The following CFLAR variants were observed in gnomAD, a reference collection of about 807,000 sequenced individuals.
CFLAR encodes CASP8 and FADD-like apoptosis regulator.
In CFLAR, 14 loss-of-function variants were observed where a neutral mutation model predicts 51.1. That is an observed-to-expected ratio of 0.27 (90% confidence interval 0.18 to 0.43). The LOEUF is 0.43. Ranked by LOEUF, CFLAR falls within the 20% of genes least tolerant of loss-of-function variation. The probability of loss-of-function intolerance (pLI) is 1.00; values close to 1 mark genes in which losing one functional copy is unlikely to be tolerated. For missense variants in CFLAR, 390 were observed against 566.5 expected (o/e 0.69, Z 3.16); for synonymous variants, 210 against 211.6 (o/e 0.99, Z 0.06).
At position 201,176,275 on chromosome 2, in the gene CFLAR, T is replaced by C. The variant is rs1236300870; in HGVS notation, c.*12302T>C. 2.9e-4 allele frequency: 4 copies of C among 13,764 alleles called. No individual in the cohort carries two copies. Among genetic ancestry groups the C allele is most frequent in the African/African-American group, 1.1e-3 (4 of 3,480 alleles). The allele number at this position is 13,764 out of a possible 1,614,324, so 0.9% of individuals were successfully genotyped here. ...GATGATCAGTCTCAGGTGTTTTCTA[T>C]TGCGGGGGGGGGGGGCGGGCGGGGG... On this transcript the variant is annotated 3_prime_UTR_variant, in exon 10 of 10. Transcript: ENST00000309955.
chr2:201,163,591 G>T, intron 9 of CFLAR: 13 of 1,294,994 alleles, frequency 1.0e-5, no homozygotes, highest in Non-Finnish European at 1.3e-5. Context: ...GATGATCCAC[G>T]TGGGTTATCA....
In CFLAR at chr2:201,168,442, C is replaced by A. The variant is rs1047775135; in HGVS notation, c.*4469C>A. 1 of 152,068 alleles carries A rather than the reference C, an allele frequency of 6.6e-6. No homozygotes were observed. Among genetic ancestry groups the A allele is most frequent in the African/African-American group, 2.4e-5 (1 of 41,396 alleles). The allele number at this position is 152,068 out of a possible 1,614,324, so 9.4% of individuals were successfully genotyped here. A position where few individuals can be genotyped will look rare whatever the true frequency, so the allele number is the denominator to read the frequency against. On this transcript the variant is annotated 3_prime_UTR_variant, in exon 10 of 10. Transcript: ENST00000309955. ...ATTCAACGTTGCTTCATGTTAAAAA[C>A]TCTCAATAAACTAGGTATTGATGGA...
chr2:201,140,687 C>T lies in CFLAR; in HGVS notation c.606+248C>T, dbSNP rs1026069219. The T allele has an allele frequency of 7.7e-5, 28 of 362,618 alleles. 1 individual carries two copies. The South Asian group carries it at 1.2e-3, about 16-fold the overall frequency. 22.5% of individuals were successfully genotyped at this position (362,618 alleles called of 1,614,324 possible). On this transcript the variant is annotated intron_variant, in intron 5 of 9. Transcript: ENST00000309955. ...CTATATTCCACTATCCAAAGACAAC[C>T]ACTGTTAGTATTTTGGTATATTTCC...
At chr2:201,125,880 GGCAGGGGT>G (rs2048640548) in intron 1 of CFLAR, among the ~76,000 whole-genome samples, 1 of 152,070 alleles carries the variant, frequency 6.6e-6, no homozygotes, top group Non-Finnish European at 1.5e-5. Flanking sequence ...TCCTCATTAA[GGCAGGGGT>G]GCTGGAGCGA....
chr2:201,133,198 G>T lies in CFLAR; in HGVS notation c.387+64G>T, dbSNP rs12721502. The T allele has an allele frequency of 5.6e-5, 68 of 1,207,850 alleles. 1 individual carries two copies. In the South Asian group the frequency reaches 8.5e-4, roughly 15 times the overall value. The allele number at this position is 1,207,850 out of a possible 1,614,324, so 74.8% of individuals were successfully genotyped here. On this transcript the variant is annotated intron_variant, in intron 3 of 9. Transcript: ENST00000309955. ...ATCAGAAGTGGGAGCTACTCTTGTTGATACAGAGAGAGGGAAGCAGGCAGT... is the reference window on the plus strand; with the variant it reads ...ATCAGAAGTGGGAGCTACTCTTGTTTATACAGAGAGAGGGAAGCAGGCAGT...
At chr2:201,148,003 G>A (rs937599407) in intron 6 of CFLAR, 1 of 152,272 alleles carries the variant, frequency 6.6e-6, no homozygotes, top group African/African-American at 2.4e-5. Flanking sequence ...CTTGCTAAAT[G>A]CCTTAAACTG....
chr2:201,139,881 C>G (rs1177676572), intron 4 of CFLAR: 1 of 156,342 alleles, frequency 6.4e-6, no homozygotes, highest in Non-Finnish European at 1.4e-5. Context: ...TTTCTCTATA[C>G]TTTGCGTCTG....
At position 201,171,238 on chromosome 2, in the gene CFLAR, A is replaced by G. The variant is rs1943989292; in HGVS notation, c.*7265A>G. The G allele has an allele frequency of 6.6e-6, 1 of 152,188 alleles. No homozygotes were observed. The highest frequency in any genetic ancestry group is 2.4e-5 in the African/African-American group (1 of 41,442). 9.4% of individuals were successfully genotyped at this position (152,188 alleles called of 1,614,324 possible). A position where few individuals can be genotyped will look rare whatever the true frequency, so the allele number is the denominator to read the frequency against. The stretch of plus-strand genomic sequence containing the variant: ...GTGATGGGTGCACCAGAATCTCACA[A>G]GTAACCACTTAATTACTTACGCATG... On this transcript the variant is annotated 3_prime_UTR_variant, in exon 10 of 10. Coordinates refer to ENST00000309955, the MANE Select transcript of CFLAR (RefSeq NM_003879.7).
chr2:201,158,095 C>T (rs1435790179), intron 8 of CFLAR, among the ~76,000 whole-genome samples: 1 of 152,230 alleles, frequency 6.6e-6, no homozygotes, highest in Non-Finnish European at 1.5e-5. Context: ...CTCAGATTCC[C>T]ATTTCCTTCC....
intron 2 of CFLAR, among the ~76,000 whole-genome samples, chr2:201,131,885 A>G (rs1041245215): frequency 3.3e-5 from 5 of 152,206 alleles, no homozygotes; most frequent in African/African-American, 1.2e-4. Flanking sequence ...TTGTAAAGCG[A>G]AAAATAATAA....
rs1944137511 is a variant in CFLAR, at chr2:201,174,495, A to G, written c.*10522A>G. The G allele has an allele frequency of 6.6e-6, 1 of 152,182 alleles. No individual in the cohort carries two copies. The highest frequency in any genetic ancestry group is 2.1e-4 in the South Asian group (1 of 4,824). The allele number at this position is 152,182 out of a possible 1,614,324, so 9.4% of individuals were successfully genotyped here. A position where few individuals can be genotyped will look rare whatever the true frequency, so the allele number is the denominator to read the frequency against. On this transcript the variant is annotated 3_prime_UTR_variant, in exon 10 of 10. Transcript: ENST00000309955. ...ACTGTCTTGATTATTGTAACTTCGTAGTAAGTTTTGGAATCCAGAAATGTA... is the reference window on the plus strand; with the variant it reads ...ACTGTCTTGATTATTGTAACTTCGTGGTAAGTTTTGGAATCCAGAAATGTA...
chr2:201,133,664 C>T (rs558571553), intron 3 of CFLAR, among the ~76,000 whole-genome samples: 3 of 152,188 alleles, frequency 2.0e-5, no homozygotes, highest in African/African-American at 7.2e-5. Flanking sequence ...GGCGCAGTGG[C>T]TCATGCCTGT....
chr2:201,155,069 T>G (rs1292778425), intron 8 of CFLAR, among the ~76,000 whole-genome samples: 1 of 152,238 alleles, frequency 6.6e-6, no homozygotes. Flanking sequence ...GTCATCTGTG[T>G]CAGTGACAGC....
chr2:201,151,321 A>G (rs1474662182), intron 8 of CFLAR: 1 of 152,214 alleles, frequency 6.6e-6, no homozygotes, highest in Non-Finnish European at 1.5e-5. Flanking sequence ...TTAATTATTT[A>G]GCTCTTCCTT....
In CFLAR at chr2:201,174,464, T is replaced by C. The variant is rs1944136871; in HGVS notation, c.*10491T>C. ...ATTCTGTTGCTCTATCTTATGGTAG[T>C]ACCACACTGTCTTGATTATTGTAAC... On this transcript the variant is annotated 3_prime_UTR_variant, in exon 10 of 10. Transcript: ENST00000309955. The C allele has an allele frequency of 6.6e-6, 1 of 152,254 alleles. No individual in the cohort carries two copies. Among genetic ancestry groups the C allele is most frequent in the African/African-American group, 2.4e-5 (1 of 41,464 alleles). The allele number at this position is 152,254 out of a possible 1,614,324, so 9.4% of individuals were successfully genotyped here. A position where few individuals can be genotyped will look rare whatever the true frequency, so the allele number is the denominator to read the frequency against.
chr2:201,138,185 T>C lies in CFLAR; in HGVS notation c.523+2078T>C. On this transcript the variant is annotated intron_variant, in intron 4 of 9. Transcript: ENST00000309955. This position sits in a 1 kb window ranked among gnomAD's most constrained non-coding sequence, Gnocchi z 4.0. The stretch of plus-strand genomic sequence containing the variant: ...CCCAATCACCTGGAGGTGGGGTTAC[T>C]TTTGTTTGATGTAATGCACCATGGC... 2.1e-6 allele frequency: 2 copies of C among 970,474 alleles called. No individual in the cohort carries two copies. The highest frequency in any genetic ancestry group is 3.3e-6 in the Non-Finnish European group (2 of 597,822). The allele number at this position is 970,474 out of a possible 1,614,324, so 60.1% of individuals were successfully genotyped here.
intron 8 of CFLAR, among the ~76,000 whole-genome samples, chr2:201,159,665 C>T (rs180815425): frequency 7.2e-5 from 11 of 152,294 alleles, no homozygotes; most frequent in Admixed American, 2.0e-4. Flanking sequence ...AGTAAGAAGC[C>T]TTTTCCTTTT....
Position 201,167,692 on chromosome 2 carries a change from AGT to A in CFLAR, c.*3725_*3726del, listed in dbSNP as rs1236437017. On this transcript the variant is annotated 3_prime_UTR_variant, in exon 10 of 10. Transcript: ENST00000309955. ...CCTGTGTTAATTATGACAGAAGGAA[AGT>A]GTGTGAGAGAGATCTTAACTACCTA... 2.6e-5 allele frequency: 4 copies of A among 152,192 alleles called. No individual in the cohort carries two copies. The highest frequency in any genetic ancestry group is 9.7e-5 in the African/African-American group (4 of 41,436). The allele number at this position is 152,192 out of a possible 1,614,324, so 9.4% of individuals were successfully genotyped here.
At chr2:201,143,424 A>G (rs1398507794) in intron 5 of CFLAR, 6 of 151,928 alleles carry the variant, frequency 3.9e-5, no homozygotes, top group Non-Finnish European at 8.8e-5. Context: ...GTGAGCCGAG[A>G]TTGTGCCATT....
Sources: allele counts gnomAD v4.1 joint callset (sites outside exome capture counted in the v4.1 genomes callset), GRCh38; gene constraint gnomAD v4.1.1; non-coding constraint Gnocchi (gnomAD v3.1); transcripts MANE v1.5; gene names NCBI Gene and HGNC (gene_info 2026-07-23, HGNC 2026-07-21).